DMXL1: variants seen among roughly 807,000 people sequenced by gnomAD.
The protein encoded by DMXL1 is Dmx like 1.
DMXL1 carries 99 observed loss-of-function variants against 319.2 expected under a neutral mutation model. The observed-to-expected ratio is 0.31, with a 90% CI of 0.26 to 0.37. DMXL1 has a LOEUF of 0.37. Among genes scored for constraint, DMXL1 ranks in the 10% least tolerant of loss-of-function variants. The probability of loss-of-function intolerance (pLI) is 1.00; values close to 1 mark genes in which losing one functional copy is unlikely to be tolerated. For missense variants in DMXL1, 3,745 were observed against 3,595.6 expected, an observed-to-expected ratio of 1.04 and a Z score of -1.06; for synonymous variants, 1,385 against 1,235.2, an observed-to-expected ratio of 1.12 and a Z score of -2.54.
rs1008893906 is a variant in DMXL1, at chr5:119,220,369, A to G, written c.8014-103A>G. 234 of 992,160 alleles carry G rather than the reference A, an allele frequency of 2.4e-4. 2 individuals carry two copies. The highest frequency in any genetic ancestry group is 4.4e-4 in the Middle Eastern group (2 of 4,590). The allele number at this position is 992,160 out of a possible 1,614,324, so 61.5% of individuals were successfully genotyped here. A position where few individuals can be genotyped will look rare whatever the true frequency, so the allele number is the denominator to read the frequency against. ...ATGCTGTATATCCTGTACTTTAGTT[A>G]TCACTGCTAGAGGTTATTTCAAAAC... is the stretch of plus-strand genomic sequence containing the variant. On this transcript the variant is annotated intron_variant, in intron 35 of 43. Coordinates refer to ENST00000539542, the MANE Select transcript of DMXL1 (RefSeq NM_001290321.3).
intron 1 of DMXL1, among the ~76,000 whole-genome samples, chr5:119,080,064 C>G (rs549548437): frequency 7.0e-4 from 106 of 152,170 alleles, no homozygotes; most frequent in African/African-American, 2.5e-3. Context: ...TACAAATAAT[C>G]AATTTTAAAA....
At position 119,144,761 on chromosome 5, in the gene DMXL1, T is replaced by C. The variant is rs112050723; in HGVS notation, c.2569+123T>C. 1.2e-3 allele frequency: 627 copies of C among 541,132 alleles called. 4 individuals carry two copies. Among genetic ancestry groups the C allele is most frequent in the African/African-American group, 0.01 (520 of 50,592 alleles). The allele number at this position is 541,132 out of a possible 1,614,324, so 33.5% of individuals were successfully genotyped here. On this transcript the variant is annotated intron_variant, in intron 15 of 43. Coordinates refer to ENST00000539542, the MANE Select transcript of DMXL1 (RefSeq NM_001290321.3). ...AAGTAAAAATTGGGGTAGGTTTGTT[T>C]ATTAAATATTTATCATAAATATGAG...
intron 38 of DMXL1, among the ~76,000 whole-genome samples, chr5:119,230,133 T>C (rs963853452): frequency 6.6e-6 from 1 of 152,204 alleles, no homozygotes; most frequent in Admixed American, 6.5e-5. Flanking sequence ...ATCAAGTTAG[T>C]CATTATTTAT....
At chr5:119,187,076 TA>T (rs536796854) in intron 28 of DMXL1, among the ~76,000 whole-genome samples, 17,032 of 146,772 alleles carry the variant, frequency 0.12, 1,290 homozygotes, top group Non-Finnish European at 0.17. Flanking sequence ...AAGTATAATT[TA>T]AAAAAAAAAA....
rs1369792763 is a variant in DMXL1, at chr5:119,178,179, C to T, written c.7070C>T (p.Ser2357Phe). The change falls in exon 28 of 44, where the codon TCT (serine) becomes TTT (phenylalanine). Residue 2357 changes from serine to phenylalanine, a missense_variant. Physicochemically the swap from Ser to Phe is radical, Grantham distance 155. Around this residue, in one of 4 missense-constraint regions of DMXL1, gnomAD observed 1,382 missense variants for 1,269.5 expected, o/e 1.09. Coordinates refer to ENST00000539542, the MANE Select transcript of DMXL1 (RefSeq NM_001290321.3). ...CATCCTCTAAATGAGAAAATGTGGTCTGCTGTGTTTGGTGGAGGTGCACAT... is the reference window on the plus strand; with the variant it reads ...CATCCTCTAAATGAGAAAATGTGGTTTGCTGTGTTTGGTGGAGGTGCACAT... ...VAHPLNEKMW[S>F]AVFGGGAHVP... is the part of the protein sequence containing the mutation. The T allele has an allele frequency of 6.2e-7, 1 of 1,613,876 alleles. No individual in the cohort carries two copies. Among genetic ancestry groups the T allele is most frequent in the African/African-American group, 1.3e-5 (1 of 75,028 alleles).
In DMXL1 at chr5:119,171,104, C is replaced by T; in HGVS notation, c.6313C>T (p.His2105Tyr). 3.1e-6 allele frequency: 5 copies of T among 1,613,804 alleles called. No individual in the cohort carries two copies. The highest frequency in any genetic ancestry group is 4.2e-6 in the Non-Finnish European group (5 of 1,179,854). ...AAATGAGGATGCTGAAGATTTGCCT[C>T]ACCAAACAAAAGTGAAACAACTGAG... is the stretch of plus-strand genomic sequence containing the variant. ...GLNEDAEDLP[H>Y]QTKVKQLREN... Residue 2105 changes from histidine to tyrosine, a missense_variant, in exon 24 of 44, where the codon CAC (histidine) becomes TAC (tyrosine). By Grantham distance (83) the His-to-Tyr change is moderately conservative. This residue lies in a region of DMXL1 where 1,382 missense variants were observed against 1,269.5 expected (regional missense o/e 1.09). Transcript: ENST00000539542.
rs150945961 is a variant in DMXL1, at chr5:119,225,684, G to A, written c.8338+915G>A. 5.6e-3 allele frequency among the ~76,000 whole-genome samples: 856 copies of A among 152,032 alleles called. 10 individuals carry two copies. The highest frequency in any genetic ancestry group is 0.02 in the African/African-American group (819 of 41,476). On this transcript the variant is annotated intron_variant, in intron 38 of 43. Coordinates refer to ENST00000539542, the MANE Select transcript of DMXL1 (RefSeq NM_001290321.3). ...ATAATCTATTATCAAAGTTGTGTAC[G>A]CTGTACGAAACAAGGCTCAAGAGAA...
intron 33 of DMXL1, among the ~76,000 whole-genome samples, chr5:119,204,010 G>C (rs1781303070): frequency 6.6e-6 from 1 of 151,908 alleles, no homozygotes; most frequent in African/African-American, 2.4e-5. Context: ...TTTTAGTAGA[G>C]ACGGGGTTTC....
At chr5:119,077,479 GTTTTTTTTTTT>G (rs774672621) in intron 1 of DMXL1, among the ~76,000 whole-genome samples, 6 of 70,174 alleles carry the variant, frequency 8.6e-5, no homozygotes, top group South Asian at 7.3e-4. Context: ...TTCATCTTAG[GTTTTTTTTTTT>G]TTTTTTTTTT....
intron 1 of DMXL1, among the ~76,000 whole-genome samples, chr5:119,084,307 A>G (rs1752856209): frequency 6.6e-6 from 1 of 151,644 alleles, no homozygotes; most frequent in Non-Finnish European, 1.5e-5. Context: ...TATAGTAGAG[A>G]CGGGGTTTTG....
intron 25 of DMXL1, among the ~76,000 whole-genome samples, chr5:119,174,280 G>T (rs752372438): frequency 6.6e-6 from 1 of 152,070 alleles, no homozygotes; most frequent in African/African-American, 2.4e-5. Flanking sequence ...AGAGCAGCAA[G>T]AATAGAATTT....
At chr5:119,084,721 C>T (rs1235011629) in intron 1 of DMXL1, among the ~76,000 whole-genome samples, 3 of 151,840 alleles carry the variant, frequency 2.0e-5, no homozygotes, top group African/African-American at 7.3e-5. Context: ...CAAAATTAGC[C>T]CGGCGTGGTG....
intron 38 of DMXL1, among the ~76,000 whole-genome samples, chr5:119,229,850 A>G (rs1786335408): frequency 6.6e-6 from 1 of 152,180 alleles, no homozygotes. Context: ...TTACAGAAGC[A>G]TGTTCTTTTT....
chr5:119,071,107 G>C lies in DMXL1; in HGVS notation c.-463G>C, dbSNP rs1458667470. The C allele has an allele frequency of 1.1e-5, 2 of 178,700 alleles. No homozygotes were observed. The highest frequency in any genetic ancestry group is 2.4e-5 in the Non-Finnish European group (2 of 83,806). 11.1% of individuals were successfully genotyped at this position (178,700 alleles called of 1,614,324 possible). On this transcript the variant is annotated 5_prime_UTR_variant, in exon 1 of 44. Coordinates refer to ENST00000539542, the MANE Select transcript of DMXL1 (RefSeq NM_001290321.3). ...GATCCAGAGGCGCGTAGTGAGTGGC[G>C]GAGGACTGTGGGGGTGGCGGGCACC... is the stretch of plus-strand genomic sequence containing the variant.
At chr5:119,206,040 A>G (rs555400639) in intron 33 of DMXL1, among the ~76,000 whole-genome samples, 32 of 152,190 alleles carry the variant, frequency 2.1e-4, no homozygotes, top group Admixed American at 1.9e-3. Context: ...ATCTGACCCT[A>G]AAATCCTGGT....
chr5:119,202,891 A>ATATATATATATATATTTATATATTTT (rs1426832929), intron 32 of DMXL1, among the ~76,000 whole-genome samples: 1 of 139,962 alleles, frequency 7.1e-6, no homozygotes, highest in African/African-American at 2.8e-5. Context: ...ATTTTTATAT[A>ATATATATATATATATTTATATATTTT]TATATATATA....
chr5:119,181,353 C>G (rs1340388784), intron 28 of DMXL1, among the ~76,000 whole-genome samples: 1 of 152,158 alleles, frequency 6.6e-6, no homozygotes, highest in Admixed American at 6.5e-5. Flanking sequence ...TGGTGCTCAT[C>G]TGTCCTTGAG....
At chr5:119,123,721 C>G (rs961141413) in intron 9 of DMXL1, among the ~76,000 whole-genome samples, 1 of 151,566 alleles carries the variant, frequency 6.6e-6, no homozygotes, top group Admixed American at 6.6e-5. Context: ...GTGTCAAACT[C>G]TTGGCCTCAA....
chr5:119,131,094 A>G (rs1214570607), intron 10 of DMXL1, among the ~76,000 whole-genome samples: 3 of 145,110 alleles, frequency 2.1e-5, no homozygotes, highest in Non-Finnish European at 4.5e-5. Flanking sequence ...AATATCTTTT[A>G]TTATATTTTT....
Sources: gnomAD v4.1 joint callset for allele counts (sites outside exome capture counted in the v4.1 genomes callset) on GRCh38, gnomAD v4.1.1 for gene constraint, gnomAD v4.1.1 regional missense constraint, MANE v1.5 for transcripts, NCBI Gene and HGNC (gene_info 2026-07-23, HGNC 2026-07-21) for gene names.